The following HS6ST3 variants were observed in gnomAD, a reference collection of about 807,000 sequenced individuals.
The protein encoded by HS6ST3 is heparan-sulfate 6-O-sulfotransferase 3.
A neutral mutation model predicts 36.7 loss-of-function variants in HS6ST3; 12 were observed. The ratio of observed to expected loss-of-function variants is 0.33; its 90% CI spans 0.21 to 0.53. HS6ST3 has a LOEUF of 0.53. Ranked by LOEUF, HS6ST3 falls within the 20% of genes least tolerant of loss-of-function variation. The pLI, the probability that HS6ST3 is intolerant of heterozygous loss-of-function variation, is 0.95. For synonymous variants in HS6ST3, 240 were observed against 257.5 expected, an observed-to-expected ratio of 0.93 and a Z score of 0.65; for missense variants, 584 against 640.9, an observed-to-expected ratio of 0.91 and a Z score of 0.96.
chr13:96,675,348 G>A (rs1411241304), intron 1 of HS6ST3, among the ~76,000 whole-genome samples: 1 of 151,828 alleles, frequency 6.6e-6, no homozygotes, highest in Non-Finnish European at 1.5e-5. Context: ...ATGTATGCAT[G>A]TATATATGTT....
At chr13:96,818,214 A>G (rs1027801095) in intron 1 of HS6ST3, among the ~76,000 whole-genome samples, 1 of 152,214 alleles carries the variant, frequency 6.6e-6, no homozygotes, top group East Asian at 1.9e-4. Flanking sequence ...GGAGACTTAA[A>G]TTATCATGCA....
intron 1 of HS6ST3, among the ~76,000 whole-genome samples, chr13:96,203,054 T>C (rs1348786375): frequency 2.0e-5 from 3 of 152,210 alleles, no homozygotes; most frequent in Non-Finnish European, 4.4e-5. Flanking sequence ...TTCATGTTAC[T>C]GTCTGCCTGT....
intron 1 of HS6ST3, among the ~76,000 whole-genome samples, chr13:96,092,172 T>C (rs1345136717): frequency 6.6e-6 from 1 of 152,198 alleles, no homozygotes; most frequent in Non-Finnish European, 1.5e-5. Flanking sequence ...ATGGTCTTTG[T>C]TGCCCAGCAG....
intron 1 of HS6ST3, among the ~76,000 whole-genome samples, chr13:96,792,838 G>GAA (rs1411787512): frequency 2.0e-5 from 3 of 152,002 alleles, no homozygotes; most frequent in Non-Finnish European, 4.4e-5. Flanking sequence ...CTTGTAATGA[G>GAA]AAACTTGTGG....
intron 1 of HS6ST3, among the ~76,000 whole-genome samples, chr13:96,576,199 G>A (rs944619663): frequency 1.3e-5 from 2 of 152,164 alleles, no homozygotes; most frequent in East Asian, 1.9e-4. Context: ...GCACTGTCCT[G>A]TGCTGCTTGA....
chr13:96,413,635 A>C (rs1004462229), intron 1 of HS6ST3, among the ~76,000 whole-genome samples: 1 of 152,216 alleles, frequency 6.6e-6, no homozygotes, highest in African/African-American at 2.4e-5. Context: ...TTTACTTGCC[A>C]GATCCATCTT....
chr13:96,317,675 G>T (rs2054982675), intron 1 of HS6ST3, among the ~76,000 whole-genome samples: 1 of 150,486 alleles, frequency 6.6e-6, no homozygotes, highest in Non-Finnish European at 1.5e-5. Context: ...TACATTCTTA[G>T]CCAACAGTAT....
At chr13:96,642,088 A>G (rs1185450942) in intron 1 of HS6ST3, among the ~76,000 whole-genome samples, 1 of 151,754 alleles carries the variant, frequency 6.6e-6, no homozygotes, top group East Asian at 1.9e-4. Context: ...AAATTTTCTC[A>G]GTTTTGAAGG....
At chr13:96,167,930 A>G (rs1406182828) in intron 1 of HS6ST3, among the ~76,000 whole-genome samples, 2 of 152,222 alleles carry the variant, frequency 1.3e-5, no homozygotes, top group East Asian at 3.9e-4. Flanking sequence ...GTGGGCTTAG[A>G]TTATAAAGCT....
At chr13:96,357,399 G>A (rs978655053) in intron 1 of HS6ST3, among the ~76,000 whole-genome samples, 6 of 152,292 alleles carry the variant, frequency 3.9e-5, no homozygotes, top group African/African-American at 1.2e-4. Context: ...GGTGAGAGAT[G>A]TGTGACTCTG....
intron 1 of HS6ST3, among the ~76,000 whole-genome samples, chr13:96,641,376 A>AT (rs35354163): frequency 0.38 from 57,613 of 151,298 alleles, 11,195 homozygotes; most frequent in East Asian, 0.62. Flanking sequence ...TTAAATACTG[A>AT]TTTTTTATAC....
chr13:96,561,486 T>C (rs923505414), intron 1 of HS6ST3, among the ~76,000 whole-genome samples: 1 of 152,142 alleles, frequency 6.6e-6, no homozygotes, highest in Non-Finnish European at 1.5e-5. Context: ...GAATAATTTA[T>C]GACTAAGTCC....
intron 1 of HS6ST3, among the ~76,000 whole-genome samples, chr13:96,764,409 CA>C (rs1877044775): frequency 6.6e-6 from 1 of 152,216 alleles, no homozygotes; most frequent in Non-Finnish European, 1.5e-5. Flanking sequence ...GCCTCATTAT[CA>C]TTTCTTTAAA....
intron 1 of HS6ST3, among the ~76,000 whole-genome samples, chr13:96,650,358 T>A (rs1470920378): frequency 6.6e-6 from 1 of 152,020 alleles, no homozygotes; most frequent in Non-Finnish European, 1.5e-5. Flanking sequence ...TAAGAATGAA[T>A]GATTTCCTTT....
chr13:96,095,047 G>A (rs2053783160), intron 1 of HS6ST3, among the ~76,000 whole-genome samples: 1 of 152,160 alleles, frequency 6.6e-6, no homozygotes. Context: ...GGATTGAAGA[G>A]AGAATCTAGT....
At chr13:96,360,166 C>A (rs1483745694) in intron 1 of HS6ST3, among the ~76,000 whole-genome samples, 1 of 152,044 alleles carries the variant, frequency 6.6e-6, no homozygotes, top group Non-Finnish European at 1.5e-5. Flanking sequence ...GGATGGGGTG[C>A]TGGCACAATC....
intron 1 of HS6ST3, among the ~76,000 whole-genome samples, chr13:96,607,424 A>C (rs1177548026): frequency 6.6e-6 from 1 of 152,220 alleles, no homozygotes; most frequent in African/African-American, 2.4e-5. Flanking sequence ...GGATCCTATA[A>C]GCACTTCCTG....
intron 1 of HS6ST3, among the ~76,000 whole-genome samples, chr13:96,111,981 AG>A (rs2053870434): frequency 6.6e-6 from 1 of 152,212 alleles, no homozygotes; most frequent in African/African-American, 2.4e-5. Context: ...GTTTGAAAAA[AG>A]TTAGGATACC....
At chr13:96,690,392 A>C (rs1874923432) in intron 1 of HS6ST3, among the ~76,000 whole-genome samples, 2 of 152,142 alleles carry the variant, frequency 1.3e-5, no homozygotes, top group African/African-American at 2.4e-5. Context: ...TTGAGTTTTC[A>C]TAACAAAAGC....
Sources: gnomAD v4.1 joint callset for allele counts (sites outside exome capture counted in the v4.1 genomes callset) on GRCh38, gnomAD v4.1.1 for gene constraint, MANE v1.5 for transcripts, NCBI Gene and HGNC (gene_info 2026-07-23, HGNC 2026-07-21) for gene names.